MYO19: variants seen among roughly 807,000 people sequenced by gnomAD.
MYO19 encodes unconventional myosin-XIX.
Under a neutral mutation model 129.2 loss-of-function variants are expected in MYO19, and 132 were observed. The observed-to-expected ratio is 1.02, with a 90% confidence interval of 0.89 to 1.18. The LOEUF is 1.18. Among genes scored for constraint, MYO19 ranks in the 50% most tolerant of loss-of-function variants. The pLI, the probability that MYO19 is intolerant of heterozygous loss-of-function variation, is 0.00. For missense variants in MYO19, 1,210 were observed against 1,216.7 expected (o/e 0.99, Z 0.08); for synonymous variants, 531 against 477.2 (o/e 1.11, Z -1.47).
At chr17:36,513,541 A>T (rs1473684039) in intron 10 of MYO19, 36 bp from the exon 11 acceptor site, 1 of 1,613,702 alleles carries the variant, frequency 6.2e-7, no homozygotes, top group African/African-American at 1.3e-5. Context: ...AGAGGTCAGC[A>T]GCAGCAAGAT....
Position 36,510,861 on chromosome 17 carries a change from T to C in MYO19, c.1042A>G (p.Met348Val). The C allele has an allele frequency of 8.8e-6, 14 of 1,582,414 alleles. No individual in the cohort carries two copies. The highest frequency in any genetic ancestry group is 1.2e-5 in the Non-Finnish European group (14 of 1,164,140). ...GCCCTGATGGTTCTAATCTGCACCA[T>C]CTCCAGCAGCACGTCCTCTGGGAGC... ...LGLPEDVLLE[M>V]VQIRTIRAGR... is the part of the protein sequence containing the mutation. The change falls in exon 13 of 26, where the codon ATG (methionine) becomes GTG (valine). Residue 348 changes from methionine to valine, a missense_variant. By Grantham distance (21) the Met-to-Val change is conservative. Transcript: ENST00000614623.
At chr17:36,505,045 T>G (rs2071783452) in intron 19 of MYO19, 1 of 701,440 alleles carries the variant, frequency 1.4e-6, no homozygotes, top group South Asian at 1.4e-5. Flanking sequence ...CAGTCTCTCA[T>G]CAGGGTACAT....
At chr17:36,534,315 G>C (rs1472837539) in intron 1 of MYO19, 1 of 152,242 alleles carries the variant, frequency 6.6e-6, no homozygotes, top group Non-Finnish European at 1.5e-5. Flanking sequence ...CTCAAGGTCC[G>C]GGCGTCGTGC....
At chr17:36,502,948 T>C in intron 21 of MYO19, 149 bp downstream of exon 21, 1 of 682,038 alleles carries the variant, frequency 1.5e-6, no homozygotes, top group South Asian at 1.8e-5. Context: ...GCTATTTGTC[T>C]TTTTTGAATC....
Position 36,501,252 on chromosome 17 carries a change from GC to G in MYO19, c.2081-18del, listed in dbSNP as rs1482779855. 4 of 1,601,600 alleles carry G rather than the reference GC, an allele frequency of 2.5e-6. No homozygotes were observed. Among genetic ancestry groups the G allele is most frequent in the Non-Finnish European group, 2.6e-6 (3 of 1,172,944 alleles). ...GACACCATTCTGGGGGAGGGAGATG[GC>G]CCCATCAGTGCATGGTCATCTCTAC... On this transcript the variant is annotated intron_variant, in intron 21 of 25. Coordinates refer to ENST00000614623, the MANE Select transcript of MYO19 (RefSeq NM_001163735.2).
intron 10 of MYO19, 54 bp downstream of exon 10, chr17:36,513,575 G>A: frequency 1.2e-6 from 2 of 1,613,708 alleles, no homozygotes; most frequent in Non-Finnish European, 1.7e-6. Flanking sequence ...GCTCTGTACA[G>A]AGTGGGTGGG....
chr17:36,495,999 A>C lies in MYO19; in HGVS notation c.*252T>G, dbSNP rs2070933464. 1.1e-5 allele frequency: 9 copies of C among 789,822 alleles called. No homozygotes were observed. The highest frequency in any genetic ancestry group is 1.6e-5 in the Non-Finnish European group (9 of 550,304). The allele number at this position is 789,822 out of a possible 1,614,324, so 48.9% of individuals were successfully genotyped here. A position where few individuals can be genotyped will look rare whatever the true frequency, so the allele number is the denominator to read the frequency against. ...GAGTTTGATCTGTGAAGGTAGTGAAATGTGGCCCTGATGTTTCTTAACCCT... is the reference window on the plus strand; with the variant it reads ...GAGTTTGATCTGTGAAGGTAGTGAACTGTGGCCCTGATGTTTCTTAACCCT... On this transcript the variant is annotated 3_prime_UTR_variant, in exon 26 of 26. Coordinates refer to ENST00000614623, the MANE Select transcript of MYO19 (RefSeq NM_001163735.2).
At chr17:36,507,260 C>T in intron 16 of MYO19, 121 bp from the exon 17 acceptor site, 1 of 1,457,906 alleles carries the variant, frequency 6.9e-7, no homozygotes, top group Non-Finnish European at 9.4e-7. Flanking sequence ...GTGTCCCCAA[C>T]AGAAAAAATA....
chr17:36,509,337 T>C (rs2072154950), intron 13 of MYO19: 1 of 604,740 alleles, frequency 1.7e-6, no homozygotes, highest in Admixed American at 2.8e-5. Flanking sequence ...GCATGCATGT[T>C]GCCAGGTACA....
chr17:36,525,364 GTCATGTGAGGGAAT>G, intron 5 of MYO19, 23 bp from the exon 6 acceptor site: 1 of 1,523,100 alleles, frequency 6.6e-7, no homozygotes, highest in Non-Finnish European at 9.1e-7. Flanking sequence ...GGAGTGAAAG[GTCATGTGAGGGAAT>G]GCCTGTTTTT....
chr17:36,526,021 C>T (rs895971630), intron 5 of MYO19, among the ~76,000 whole-genome samples: 1 of 152,172 alleles, frequency 6.6e-6, no homozygotes, highest in African/African-American at 2.4e-5. Flanking sequence ...ACGCCATCTC[C>T]ACAATGCCTA....
intron 6 of MYO19, among the ~76,000 whole-genome samples, chr17:36,518,787 T>C (rs2072963337): frequency 6.8e-6 from 1 of 147,116 alleles, no homozygotes; most frequent in Non-Finnish European, 1.5e-5. Flanking sequence ...CATAGTGAGA[T>C]AGATAGATAG....
At chr17:36,522,560 A>T (rs1231255946) in intron 6 of MYO19, among the ~76,000 whole-genome samples, 2 of 151,022 alleles carry the variant, frequency 1.3e-5, no homozygotes, top group South Asian at 2.1e-4. Flanking sequence ...AAAACAAGGC[A>T]GTAAATGAAG....
chr17:36,514,490 C>T lies in MYO19; in HGVS notation c.676G>A (p.Ala226Thr). Residue 226 changes from alanine (A) to threonine (T), a missense_variant, in exon 9 of 26, where the codon GCC (alanine) becomes ACC (threonine). Transcript: ENST00000614623. ...TTCCTCTCACTGGAAGCCTGGCAGGCCACTCGAGTTTTCTCTAGGAGGTAG... is the reference window on the plus strand; with the variant it reads ...TTCCTCTCACTGGAAGCCTGGCAGGTCACTCGAGTTTTCTCTAGGAGGTAG... ...QTYLLEKTRV[A>T]CQASSERNFH... is the part of the protein sequence containing the mutation. 6.2e-7 allele frequency: 1 copy of T among 1,613,736 alleles called. No homozygotes were observed. Among genetic ancestry groups the T allele is most frequent in the South Asian group, 1.1e-5 (1 of 91,082 alleles).
chr17:36,535,393 C>G (rs926178703), upstream of MYO19: 4 of 152,274 alleles, frequency 2.6e-5, no homozygotes, highest in African/African-American at 9.6e-5. Flanking sequence ...GTGGGTAGCC[C>G]ACGGGACACT....
chr17:36,534,118 G>A lies in MYO19; in HGVS notation c.-295-14C>T, dbSNP rs1325878697. ...AGGGTGTGAACACTGTGGGCAGAAAGGAGACGGTAATGAGTAAATGGAACA... is the reference window on the plus strand; with the variant it reads ...AGGGTGTGAACACTGTGGGCAGAAAAGAGACGGTAATGAGTAAATGGAACA... On this transcript the variant is annotated splice_polypyrimidine_tract_variant and intron_variant, in intron 1 of 25. Coordinates refer to ENST00000614623, the MANE Select transcript of MYO19 (RefSeq NM_001163735.2). 6.6e-6 allele frequency: 1 copy of A among 152,274 alleles called. No individual in the cohort carries two copies. The highest frequency in any genetic ancestry group is 1.9e-4 in the East Asian group (1 of 5,202). The allele number at this position is 152,274 out of a possible 1,614,324, so 9.4% of individuals were successfully genotyped here.
intron 1 of MYO19, among the ~76,000 whole-genome samples, chr17:36,542,698 C>CAA (rs71159613): frequency 3.1e-5 from 4 of 127,704 alleles, no homozygotes; most frequent in African/African-American, 1.3e-4. Flanking sequence ...GACTCCGTCT[C>CAA]AAAAAAAAAA....
rs867184489 is a variant in MYO19 at position 36,498,372 on chromosome 17, A to G, written c.2651T>C (p.Leu884Ser). ...AMGVGSFQRK[L>S]VVWACLQLPR... ...GAGCTGGAGGCAAGCCCAGACCACT[A>G]ATTTCCTCTGAAAGCTGCCTACACC... The change falls in exon 25 of 26, where the codon TTA (leucine) becomes TCA (serine). Residue 884 changes from leucine (L) to serine (S), a missense_variant. Coordinates refer to ENST00000614623, the MANE Select transcript of MYO19 (RefSeq NM_001163735.2). 15 of 1,613,870 alleles carry G rather than the reference A, an allele frequency of 9.3e-6. No homozygotes were observed. The highest frequency in any genetic ancestry group is 1.6e-4 in the Middle Eastern group (1 of 6,084).
chr17:36,506,962 C>T lies in MYO19; in HGVS notation c.1644+1G>A. 6.3e-7 allele frequency: 1 copy of T among 1,591,374 alleles called. No homozygotes were observed. Among genetic ancestry groups the T allele is most frequent in the Non-Finnish European group, 8.6e-7 (1 of 1,163,696 alleles). ...CCCACAGGGCATGGCCCAGCCCGTA[C>T]CTTGTTCTTCTCCACCAGGCCTGCT... On this transcript the variant is annotated splice_donor_variant, in intron 17 of 25. Coordinates refer to ENST00000614623, the MANE Select transcript of MYO19 (RefSeq NM_001163735.2). LOFTEE classifies it high-confidence loss of function.
Sources: allele counts gnomAD v4.1 joint callset (sites outside exome capture counted in the v4.1 genomes callset), GRCh38; gene constraint gnomAD v4.1.1; transcripts MANE v1.5; gene names NCBI Gene and HGNC (gene_info 2026-07-23, HGNC 2026-07-21).